The following NRXN1 variants were observed in gnomAD, a reference collection of about 807,000 sequenced individuals.
NRXN1 encodes the protein neurexin-1.
In NRXN1, 39 loss-of-function variants were observed where a neutral mutation model predicts 150.9. The observed-to-expected ratio is 0.26, with a 90% CI of 0.20 to 0.34. The LOEUF is 0.34. Among genes scored for constraint, NRXN1 ranks in the 10% least tolerant of loss-of-function variants. The pLI is 1.00. For synonymous variants in NRXN1, 924 were observed against 757.0 expected (o/e 1.22, Z -3.62); for missense variants, 1,815 against 1,949.9 (o/e 0.93, Z 1.30).
At chr2:50,638,446 A>G (rs1266876991) in intron 5 of NRXN1, among the ~76,000 whole-genome samples, 2 of 152,218 alleles carry the variant, frequency 1.3e-5, no homozygotes, top group Admixed American at 6.5e-5. Flanking sequence ...ACACATTATA[A>G]GAGAAGCAAT....
chr2:50,928,974 T>C (rs562151537), intron 2 of NRXN1, among the ~76,000 whole-genome samples: 42 of 152,216 alleles, frequency 2.8e-4, no homozygotes, highest in African/African-American at 7.7e-4. Flanking sequence ...AAAGATACTT[T>C]ACATTTTATT....
chr2:50,097,042 G>A (rs933845965), intron 18 of NRXN1, among the ~76,000 whole-genome samples: 4 of 152,098 alleles, frequency 2.6e-5, no homozygotes, highest in Admixed American at 6.5e-5. Flanking sequence ...TAAAGATTTC[G>A]GTCTACATGT....
At chr2:50,275,579 A>T (rs1032125600) in intron 17 of NRXN1, among the ~76,000 whole-genome samples, 4 of 151,948 alleles carry the variant, frequency 2.6e-5, no homozygotes, top group Non-Finnish European at 5.9e-5. Flanking sequence ...CTTGACTTTT[A>T]TTCGAAGATT....
At chr2:50,646,084 C>T (rs1283755492) in intron 5 of NRXN1, among the ~76,000 whole-genome samples, 1 of 151,872 alleles carries the variant, frequency 6.6e-6, no homozygotes, top group Non-Finnish European at 1.5e-5. Flanking sequence ...TTCCAGGCAT[C>T]CACAAAGATA....
At chr2:50,299,631 C>G (rs74477248) in intron 17 of NRXN1, among the ~76,000 whole-genome samples, 12,754 of 152,088 alleles carry the variant, frequency 0.084, 623 homozygotes, top group Middle Eastern at 0.14. Flanking sequence ...GTATAAATAT[C>G]AAGCCCTTGT....
chr2:50,392,909 A>G (rs750730732), intron 17 of NRXN1, among the ~76,000 whole-genome samples: 66 of 152,108 alleles, frequency 4.3e-4, no homozygotes, highest in Non-Finnish European at 7.8e-4. Flanking sequence ...GCCTGAGCCC[A>G]GGAGTCCAAG....
At chr2:49,946,865 T>A (rs994039503) in intron 21 of NRXN1, among the ~76,000 whole-genome samples, 14 of 152,028 alleles carry the variant, frequency 9.2e-5, no homozygotes, top group Admixed American at 6.6e-5. Context: ...CCAAAACAGA[T>A]ATATAGACCA....
At chr2:51,003,930 G>C (rs1312056583) in intron 2 of NRXN1, among the ~76,000 whole-genome samples, 1 of 151,726 alleles carries the variant, frequency 6.6e-6, no homozygotes, top group Non-Finnish European at 1.5e-5. Flanking sequence ...GCACATTAAG[G>C]CTCTCTTTTC....
chr2:50,146,907 T>C (rs1261768088), intron 18 of NRXN1, among the ~76,000 whole-genome samples: 1 of 151,752 alleles, frequency 6.6e-6, no homozygotes, highest in African/African-American at 2.4e-5. Context: ...TAAGAATTTA[T>C]TTTGCATTTA....
intron 21 of NRXN1, among the ~76,000 whole-genome samples, chr2:50,034,821 T>C (rs1487901092): frequency 6.6e-6 from 1 of 152,132 alleles, no homozygotes; most frequent in African/African-American, 2.4e-5. Flanking sequence ...ATGTATTTTC[T>C]ATGTTGACTT....
chr2:50,597,067 C>T (rs912736559), intron 8 of NRXN1, among the ~76,000 whole-genome samples: 1 of 151,964 alleles, frequency 6.6e-6, no homozygotes, highest in Non-Finnish European at 1.5e-5. Flanking sequence ...TGATCTCTAA[C>T]TCCTGGGCTC....
intron 5 of NRXN1, among the ~76,000 whole-genome samples, chr2:50,893,490 G>A (rs1681409167): frequency 6.6e-6 from 1 of 152,094 alleles, no homozygotes; most frequent in Non-Finnish European, 1.5e-5. Flanking sequence ...TGGTTTGGTT[G>A]TCATATCTAA....
intron 17 of NRXN1, among the ~76,000 whole-genome samples, chr2:50,452,859 A>G (rs1368499581): frequency 6.6e-6 from 1 of 152,218 alleles, no homozygotes; most frequent in Non-Finnish European, 1.5e-5. Flanking sequence ...GAATAGTAAT[A>G]GAGAAATGTA....
intron 7 of NRXN1, among the ~76,000 whole-genome samples, chr2:50,620,404 G>C (rs1679801370): frequency 6.6e-6 from 1 of 152,062 alleles, no homozygotes; most frequent in Non-Finnish European, 1.5e-5. Flanking sequence ...CTAGCCCTAA[G>C]AGATCTAAAC....
chr2:50,687,727 G>A (rs1489046623), intron 5 of NRXN1, among the ~76,000 whole-genome samples: 5 of 152,316 alleles, frequency 3.3e-5, no homozygotes, highest in Admixed American at 6.5e-5. Flanking sequence ...GGGCAACCGC[G>A]TTAGGGTTGA....
At chr2:50,405,347 TG>T (rs2103988612) in intron 17 of NRXN1, among the ~76,000 whole-genome samples, 1 of 152,150 alleles carries the variant, frequency 6.6e-6, no homozygotes, top group South Asian at 2.1e-4. Flanking sequence ...TCAAATAAAA[TG>T]CTATTGCAAA....
chr2:50,148,411 A>T (rs7593705), intron 18 of NRXN1, among the ~76,000 whole-genome samples: 132,312 of 151,518 alleles, frequency 0.87, 58,091 homozygotes, highest in African/African-American at 0.96. Context: ...CATTGCTCAA[A>T]CAATATTAGC....
intron 17 of NRXN1, among the ~76,000 whole-genome samples, chr2:50,345,510 G>C (rs2077881085): frequency 6.6e-6 from 1 of 152,158 alleles, no homozygotes; most frequent in African/African-American, 2.4e-5. Context: ...TATAAAAAAA[G>C]TGCCCACAAC....
chr2:51,016,195 T>A (rs192007371), intron 2 of NRXN1, among the ~76,000 whole-genome samples: 1 of 152,020 alleles, frequency 6.6e-6, no homozygotes, highest in Non-Finnish European at 1.5e-5. Flanking sequence ...GACACAGACA[T>A]GGGCAAAGAT....
Sources: allele counts gnomAD v4.1 joint callset (sites outside exome capture counted in the v4.1 genomes callset), GRCh38; gene constraint gnomAD v4.1.1; transcripts MANE v1.5; gene names NCBI Gene and HGNC (gene_info 2026-07-23, HGNC 2026-07-21).